The following NR4A3 variants were observed in gnomAD, a reference collection of about 807,000 sequenced individuals.
NR4A3 encodes the protein chondrosarcoma, extraskeletal myxoid, fused to EWS.
Under a neutral mutation model 55.6 loss-of-function variants are expected in NR4A3, and 13 were observed. That is an observed-to-expected ratio of 0.23 (90% CI 0.15 to 0.37). The LOEUF is 0.37. Among genes scored for constraint, NR4A3 ranks in the 10% least tolerant of loss-of-function variants. The probability of loss-of-function intolerance (pLI) is 1.00; values close to 1 mark genes in which losing one functional copy is unlikely to be tolerated. For missense variants in NR4A3, 646 were observed against 822.8 expected, an observed-to-expected ratio of 0.79 and a Z score of 2.63; for synonymous variants, 342 against 357.9, an observed-to-expected ratio of 0.96 and a Z score of 0.50.
chr9:99,828,774 G>A lies in NR4A3; in HGVS notation c.732G>A (p.Gly244=). ...QAAALESHPY[G]LPLAKRAAPL... Reference sequence around the variant, plus strand: ...CCGCGCTTGAGAGCCACCCGTACGGGCTGCCGCTGGCCAAGAGGGCGGCCC... The same window carrying A: ...CCGCGCTTGAGAGCCACCCGTACGGACTGCCGCTGGCCAAGAGGGCGGCCC... The change falls in exon 3 of 8, where the codon GGG becomes GGA. Residue 244 remains glycine (G), a synonymous_variant. Transcript: ENST00000395097. This position sits in a 1 kb window ranked among gnomAD's most constrained non-coding sequence, Gnocchi z 7.7. 1 of 1,446,722 alleles carries A rather than the reference G, an allele frequency of 6.9e-7. No individual in the cohort carries two copies. The highest frequency in any genetic ancestry group is 1.5e-5 in the African/African-American group (1 of 67,934). 89.6% of individuals were successfully genotyped at this position (1,446,722 alleles called of 1,614,324 possible). A position where few individuals can be genotyped will look rare whatever the true frequency, so the allele number is the denominator to read the frequency against.
Position 99,847,518 on chromosome 9 carries a change from G to C in NR4A3, c.1536G>C (p.Glu512Asp). 4 of 1,614,232 alleles carry C rather than the reference G, an allele frequency of 2.5e-6. No individual in the cohort carries two copies. The highest frequency in any genetic ancestry group is 1.6e-4 in the Middle Eastern group (1 of 6,062). The change falls in exon 7 of 8, where the codon GAG (glutamate) becomes GAC (aspartate). Residue 512 changes from glutamate to aspartate, a missense_variant. Physicochemically the swap from Glu to Asp is conservative, Grantham distance 45. Transcript: ENST00000395097. ...HRLQCLRGFG[E>D]WLDSIKDFSL... ...TTCAGTGCCTTCGTGGATTTGGGGA[G>C]TGGCTCGACTCTATTAAAGACTTTT...
At chr9:99,840,960 C>T (rs780157937) in intron 5 of NR4A3, among the ~76,000 whole-genome samples, 1 of 152,134 alleles carries the variant, frequency 6.6e-6, no homozygotes, top group Non-Finnish European at 1.5e-5. Context: ...TGGTGGGGCG[C>T]GGTGGCTGAT....
chr9:99,829,093 C>T, intron 3 of NR4A3, 100 bp downstream of exon 3: 1 of 1,207,078 alleles, frequency 8.3e-7, no homozygotes, highest in Non-Finnish European at 1.0e-6. Flanking sequence ...GGTTTGAGAG[C>T]TGTAATCGGC....
chr9:99,833,689 C>T, intron 5 of NR4A3: 1 of 1,552,992 alleles, frequency 6.4e-7, no homozygotes, highest in Non-Finnish European at 8.7e-7. Flanking sequence ...CTGCACCTGT[C>T]ATACACATTG....
At chr9:99,832,322 T>C (rs1426513251) in intron 3 of NR4A3, among the ~76,000 whole-genome samples, 1 of 152,206 alleles carries the variant, frequency 6.6e-6, no homozygotes, top group Non-Finnish European at 1.5e-5. Flanking sequence ...GATTTTATTT[T>C]AATAAGGTCA....
At chr9:99,834,714 A>G (rs1827521203) in intron 5 of NR4A3, 2 of 786,286 alleles carry the variant, frequency 2.5e-6, no homozygotes, top group South Asian at 1.2e-4. Flanking sequence ...GTTGATAGAA[A>G]TGATTAGTGT....
intron 7 of NR4A3, among the ~76,000 whole-genome samples, chr9:99,852,323 A>G (rs914288833): frequency 1.3e-5 from 2 of 152,194 alleles, no homozygotes; most frequent in Non-Finnish European, 2.9e-5. Context: ...AAGTAGAAAG[A>G]GGAGAAAAAT....
At chr9:99,826,953 A>G in intron 2 of NR4A3, 2 of 656,152 alleles carry the variant, frequency 3.0e-6, no homozygotes, top group Non-Finnish European at 5.4e-6. Flanking sequence ...TACCATTTAT[A>G]TTTAGCCATA....
chr9:99,832,961 AT>A (rs1827475892), intron 4 of NR4A3, 143 bp downstream of exon 4: 1 of 722,240 alleles, frequency 1.4e-6, no homozygotes, highest in African/African-American at 1.8e-5. Flanking sequence ...ATATATCTAC[AT>A]TTTAAAATAA....
rs763759249 is a variant in NR4A3 at position 99,866,877 on chromosome 9, C to G, written c.*3010C>G. The G allele has an allele frequency of 1.0e-5, 2 of 190,580 alleles. No individual in the cohort carries two copies. Among genetic ancestry groups the G allele is most frequent in the East Asian group, 1.7e-4 (2 of 12,016 alleles). The allele number at this position is 190,580 out of a possible 1,614,324, so 11.8% of individuals were successfully genotyped here. On this transcript the variant is annotated 3_prime_UTR_variant, in exon 8 of 8. Coordinates refer to ENST00000395097, the MANE Select transcript of NR4A3 (RefSeq NM_006981.4). ...AATGTAAATTTAAATGATTAAATTA[C>G]ATTTTATCAATGGCTACTGGTGTAT...
chr9:99,862,600 T>A (rs1828028974), intron 7 of NR4A3, among the ~76,000 whole-genome samples: 4 of 127,862 alleles, frequency 3.1e-5, no homozygotes, highest in South Asian at 2.7e-4. Context: ...GAAATGAGGC[T>A]CTGAAGTCTA....
At chr9:99,861,200 T>A (rs182965009) in intron 7 of NR4A3, among the ~76,000 whole-genome samples, 138 of 152,284 alleles carry the variant, frequency 9.1e-4, no homozygotes, top group Non-Finnish European at 1.8e-3. Flanking sequence ...CCGCTGGCAA[T>A]CTTCATGGTT....
intron 5 of NR4A3, among the ~76,000 whole-genome samples, chr9:99,843,576 C>T (rs1170339125): frequency 6.6e-6 from 1 of 152,068 alleles, no homozygotes; most frequent in Non-Finnish European, 1.5e-5. Context: ...CCCAGTACTT[C>T]GGGAGGCTGA....
intron 1 of NR4A3, among the ~76,000 whole-genome samples, chr9:99,823,449 A>T (rs1827221667): frequency 6.6e-6 from 1 of 151,950 alleles, no homozygotes; most frequent in Non-Finnish European, 1.5e-5. Flanking sequence ...AAGAGCTGCG[A>T]GGAGTTAGTA....
In NR4A3 at chr9:99,839,505, C is replaced by A. The variant is rs144353580; in HGVS notation, c.1255-5144C>A. On this transcript the variant is annotated intron_variant, in intron 5 of 7. Coordinates refer to ENST00000395097, the MANE Select transcript of NR4A3 (RefSeq NM_006981.4). ...TCACTTAATTTCCACACAAATATCT[C>A]ATTTGGGGCCTGGGCTATTGCTGAA... Among the ~76,000 whole-genome samples the A allele has an allele frequency of 1.6e-4, 25 of 152,294 alleles. No homozygotes were observed. The East Asian group carries it at 4.8e-3, about 29-fold the overall frequency.
chr9:99,834,988 A>G (rs1827530704), intron 5 of NR4A3: 1 of 935,052 alleles, frequency 1.1e-6, no homozygotes, highest in African/African-American at 1.8e-5. Flanking sequence ...GAAAATCCCA[A>G]CACTGTCCTT....
intron 2 of NR4A3, chr9:99,826,727 C>T (rs1456943819): frequency 1.3e-6 from 2 of 1,596,570 alleles, no homozygotes; most frequent in Middle Eastern, 1.7e-4. Flanking sequence ...CTTCTTCCAA[C>T]AGGCCCTCAT....
rs746609656 is a variant in NR4A3 at position 99,833,607 on chromosome 9, G to A, written c.1254+153G>A. ...ATTTCTCGCTTCATTTAGCAATTCAGTGCATCCATTGCAGCAAATAATTTT... is the reference window on the plus strand; with the variant it reads ...ATTTCTCGCTTCATTTAGCAATTCAATGCATCCATTGCAGCAAATAATTTT... On this transcript the variant is annotated intron_variant, in intron 5 of 7. Coordinates refer to ENST00000395097, the MANE Select transcript of NR4A3 (RefSeq NM_006981.4). 20 of 1,599,888 alleles carry A rather than the reference G, an allele frequency of 1.3e-5. 1 individual carries two copies. The South Asian group carries it at 2.2e-4, about 18-fold the overall frequency.
rs934901789 is a variant in NR4A3 at position 99,863,524 on chromosome 9, A to G, written c.1634-96A>G. 69 of 1,450,306 alleles carry G rather than the reference A, an allele frequency of 4.8e-5. No homozygotes were observed. In the African/African-American group the frequency reaches 9.1e-4, roughly 19 times the overall value. 89.8% of individuals were successfully genotyped at this position (1,450,306 alleles called of 1,614,324 possible). A position where few individuals can be genotyped will look rare whatever the true frequency, so the allele number is the denominator to read the frequency against. ...CTTTGATTGCAAAGAAGCTATCCAA[A>G]CTGGCAGAATGAGACACAGACCTCA... On this transcript the variant is annotated intron_variant, in intron 7 of 7. Transcript: ENST00000395097.
Sources: gnomAD v4.1 joint callset for allele counts (sites outside exome capture counted in the v4.1 genomes callset) on GRCh38, gnomAD v4.1.1 for gene constraint, Gnocchi (gnomAD v3.1) non-coding constraint, MANE v1.5 for transcripts, NCBI Gene and HGNC (gene_info 2026-07-23, HGNC 2026-07-21) for gene names.